The following PRRC1 variants were observed in gnomAD, a reference collection of about 807,000 sequenced individuals.
The protein encoded by PRRC1 is protein PRRC1.
Under a neutral mutation model 40.7 loss-of-function variants are expected in PRRC1, and 39 were observed. The observed-to-expected ratio is 0.96, with a 90% CI of 0.74 to 1.25. The LOEUF (loss-of-function observed/expected upper bound fraction) is 1.25. Among genes scored for constraint, PRRC1 ranks in the 50% most tolerant of loss-of-function variants. The pLI is 0.00. For missense variants in PRRC1, 573 were observed against 548.3 expected, an observed-to-expected ratio of 1.05 and a Z score of -0.45; for synonymous variants, 175 against 193.3, an observed-to-expected ratio of 0.91 and a Z score of 0.79.
chr5:127,537,199 A>G (rs1767922998), intron 6 of PRRC1, among the ~76,000 whole-genome samples: 1 of 151,876 alleles, frequency 6.6e-6, no homozygotes, highest in Non-Finnish European at 1.5e-5. Flanking sequence ...ATATTATAAA[A>G]TTTTAACTAT....
At chr5:127,537,891 C>T (rs1324506254) in intron 6 of PRRC1, among the ~76,000 whole-genome samples, 1 of 151,912 alleles carries the variant, frequency 6.6e-6, no homozygotes, top group Non-Finnish European at 1.5e-5. Flanking sequence ...ACAGGTGCCT[C>T]TTTAAGTGTT....
intron 6 of PRRC1, 122 bp from the exon 7 acceptor site, chr5:127,538,914 AACGT>A (rs1767965184): frequency 1.8e-6 from 1 of 553,226 alleles, no homozygotes; most frequent in Non-Finnish European, 3.0e-6. Context: ...GTATTGTTTG[AACGT>A]TTACAGTGAG....
chr5:127,522,028 T>C (rs1221845891), intron 1 of PRRC1, among the ~76,000 whole-genome samples: 1 of 152,220 alleles, frequency 6.6e-6, no homozygotes, highest in African/African-American at 2.4e-5. Context: ...TTTCGTGTAC[T>C]AGACTGTAAG....
At chr5:127,539,980 C>A (rs1291940936) in intron 7 of PRRC1, among the ~76,000 whole-genome samples, 1 of 151,872 alleles carries the variant, frequency 6.6e-6, no homozygotes, top group African/African-American at 2.4e-5. Flanking sequence ...AGGGCTTGAA[C>A]TGGATTTTGA....
chr5:127,547,577 T>C (rs1768262309), intron 7 of PRRC1, among the ~76,000 whole-genome samples: 1 of 152,132 alleles, frequency 6.6e-6, no homozygotes, highest in African/African-American at 2.4e-5. Context: ...GAGGAAGCTT[T>C]CCATGATAAG....
At position 127,551,763 on chromosome 5, in the gene PRRC1, A is replaced by G. The variant is rs1268616901; in HGVS notation, c.1185A>G (p.Thr395=). ...YNLRWSGLLV[T]VGEVLEKSLL... ...TGAGGTGGTCAGGCCTTTTGGTGAC[A>G]GTGGGTGAAGTCCTGGAAAAGAGTT... is the stretch of plus-strand genomic sequence containing the variant. Residue 395 remains threonine, a synonymous_variant, in exon 9 of 9, where the codon ACA becomes ACG. Coordinates refer to ENST00000296666, the MANE Select transcript of PRRC1 (RefSeq NM_130809.5). The G allele has an allele frequency of 1.9e-6, 3 of 1,614,144 alleles. No homozygotes were observed. The highest frequency in any genetic ancestry group is 2.5e-6 in the Non-Finnish European group (3 of 1,180,010).
At position 127,526,064 on chromosome 5, in the gene PRRC1, A is replaced by G. The variant is rs529336772; in HGVS notation, c.494-554A>G. On this transcript the variant is annotated intron_variant, in intron 3 of 8. Transcript: ENST00000296666. ...AATAATTGTTGCAAATGAGTTATCA[A>G]AACTTCGTCCTTGTCATCCTCTGCC... Among the ~76,000 whole-genome samples, 3 of 152,336 alleles carry G rather than the reference A, an allele frequency of 2.0e-5. No individual in the cohort carries two copies. In the South Asian group the frequency reaches 6.2e-4, roughly 32 times the overall value.
chr5:127,552,762 A>C lies in PRRC1; in HGVS notation c.*846A>C. On this transcript the variant is annotated 3_prime_UTR_variant, in exon 9 of 9. Coordinates refer to ENST00000296666, the MANE Select transcript of PRRC1 (RefSeq NM_130809.5). ...TTCTGCTTCCACTCATATTCTCTAC[A>C]CATTTTAATACAGAAATTTTTGAGA... The C allele has an allele frequency of 1.0e-6, 1 of 984,640 alleles. No individual in the cohort carries two copies. The highest frequency in any genetic ancestry group is 1.2e-6 in the Non-Finnish European group (1 of 828,870). The allele number at this position is 984,640 out of a possible 1,614,324, so 61.0% of individuals were successfully genotyped here. A position where few individuals can be genotyped will look rare whatever the true frequency, so the allele number is the denominator to read the frequency against.
chr5:127,544,289 TG>T (rs1431646547), intron 7 of PRRC1, among the ~76,000 whole-genome samples: 2 of 152,176 alleles, frequency 1.3e-5, no homozygotes, highest in African/African-American at 2.4e-5. Context: ...CTGACCTTAC[TG>T]GGGGGTGCCT....
chr5:127,545,810 T>G (rs1768202818), intron 7 of PRRC1, among the ~76,000 whole-genome samples: 1 of 152,154 alleles, frequency 6.6e-6, no homozygotes, highest in Non-Finnish European at 1.5e-5. Flanking sequence ...CTCCATCTTC[T>G]TGTGTATTGT....
chr5:127,551,164 C>T (rs1768371384), intron 8 of PRRC1: 1 of 163,958 alleles, frequency 6.1e-6, no homozygotes, highest in East Asian at 1.8e-4. Context: ...TCTGTCATTC[C>T]TTTGTAGATG....
rs1238453026 is a variant in PRRC1, at chr5:127,534,284, G to GA, written c.921+504dup. Among the ~76,000 whole-genome samples, 3 of 151,704 alleles carry GA rather than the reference G, an allele frequency of 2.0e-5. No homozygotes were observed. The East Asian group carries it at 5.8e-4, about 29-fold the overall frequency. On this transcript the variant is annotated intron_variant, in intron 6 of 8. Transcript: ENST00000296666. The stretch of plus-strand genomic sequence containing the variant: ...CATCTTTCTCACCTTGAAAAAAAAA[G>GA]AAAAAACCAAAGGAAACCCCAACAA...
chr5:127,533,865 A>G (rs752502279), intron 6 of PRRC1, 79 bp downstream of exon 6: 50 of 1,454,702 alleles, frequency 3.4e-5, no homozygotes, highest in Admixed American at 5.2e-5. Flanking sequence ...TGTTGTCTCT[A>G]TGGAGCTAAT....
intron 4 of PRRC1, 87 bp from the exon 5 acceptor site, chr5:127,530,207 C>T: frequency 1.7e-6 from 2 of 1,163,990 alleles, no homozygotes; most frequent in Non-Finnish European, 2.5e-6. Flanking sequence ...GCATTGGAAA[C>T]TTTTAAAAAA....
rs376873503 is a variant in PRRC1, at chr5:127,541,521, G to A, written c.1025+2378G>A. On this transcript the variant is annotated intron_variant, in intron 7 of 8. Transcript: ENST00000296666. ...TCTGGTCCTGTACTCTTTTTGGTTG[G>A]TAAGCTATTGATTATTGCCACAATT... is the stretch of plus-strand genomic sequence containing the variant. Among the ~76,000 whole-genome samples the A allele has an allele frequency of 1.3e-3, 193 of 152,010 alleles. 1 individual carries two copies. The Middle Eastern group carries it at 0.041, about 32-fold the overall frequency.
In PRRC1 at chr5:127,548,081, C is replaced by T. The variant is rs978546576; in HGVS notation, c.1128+160C>T. On this transcript the variant is annotated intron_variant, in intron 8 of 8. Coordinates refer to ENST00000296666, the MANE Select transcript of PRRC1 (RefSeq NM_130809.5). ...TTCTTTGCTTTTTAATTTCCTGATC[C>T]TTCCATGTTGTTTTAGTACCTTCCT... 14 of 690,570 alleles carry T rather than the reference C, an allele frequency of 2.0e-5. No individual in the cohort carries two copies. The African/African-American group carries it at 2.5e-4, about 12-fold the overall frequency. The allele number at this position is 690,570 out of a possible 1,614,324, so 42.8% of individuals were successfully genotyped here. A position where few individuals can be genotyped will look rare whatever the true frequency, so the allele number is the denominator to read the frequency against.
At position 127,553,896 on chromosome 5, in the gene PRRC1, C is replaced by T. The variant is rs774217136; in HGVS notation, c.*1980C>T. On this transcript the variant is annotated 3_prime_UTR_variant, in exon 9 of 9. Transcript: ENST00000296666. ...CTGGTGACCTGGTAAGCCTCCTGCT[C>T]GGAACCGTGTGAGTGGGTGAGGAAG... The T allele has an allele frequency of 1.2e-4, 180 of 1,535,318 alleles. 1 individual carries two copies. In the East Asian group the frequency reaches 1.6e-3, roughly 13 times the overall value.
chr5:127,522,752 G>A (rs31188), intron 1 of PRRC1, among the ~76,000 whole-genome samples: 46,758 of 151,248 alleles, frequency 0.31, 7,510 homozygotes, highest in East Asian at 0.55. Flanking sequence ...AGAAGAGGAA[G>A]GGCTTCAAAA....
chr5:127,536,441 A>G (rs185502652), intron 6 of PRRC1, among the ~76,000 whole-genome samples: 120 of 152,216 alleles, frequency 7.9e-4, no homozygotes, highest in African/African-American at 2.8e-3. Context: ...ACATACTTAG[A>G]TTGAGAATGT....
Sources: gnomAD v4.1 joint callset for allele counts (sites outside exome capture counted in the v4.1 genomes callset) on GRCh38, gnomAD v4.1.1 for gene constraint, MANE v1.5 for transcripts, NCBI Gene and HGNC (gene_info 2026-07-23, HGNC 2026-07-21) for gene names.